Variants in OR1J2 observed in about 807,000 individuals in gnomAD.
The protein encoded by OR1J2 is olfactory receptor 1J2.
For missense variants in OR1J2, 304 were observed against 246.1 expected (o/e 1.24, Z -1.57); for synonymous variants, 142 against 99.7 (o/e 1.42, Z -2.52).
At chr9:122,555,759 TA>T in the OR1J2 span, among the ~76,000 whole-genome samples, 1 of 152,196 alleles carries the variant, frequency 6.6e-6, no homozygotes. Context: ...TTTTGGTTTA[TA>T]GAAAAATTGA....
the OR1J2 span, among the ~76,000 whole-genome samples, chr9:122,495,432 T>C: frequency 6.6e-6 from 1 of 152,310 alleles, no homozygotes; most frequent in African/African-American, 2.4e-5. Context: ...TTCAAAAGCC[T>C]TGTCTTTGAG....
the OR1J2 span, among the ~76,000 whole-genome samples, chr9:122,532,550 T>C: frequency 2.7e-5 from 4 of 146,966 alleles, no homozygotes; most frequent in South Asian, 2.2e-4. Flanking sequence ...ACAATGGTAA[T>C]TGTGGGAGAC....
the OR1J2 span, chr9:122,477,926 T>C: frequency 6.3e-7 from 1 of 1,582,384 alleles, no homozygotes; most frequent in Non-Finnish European, 8.6e-7. Context: ...TCAGGGCTCA[T>C]GTTTATATCA....
chr9:122,486,625 C>T, the OR1J2 span, among the ~76,000 whole-genome samples: 13,416 of 152,132 alleles, frequency 0.088, 646 homozygotes, highest in Middle Eastern at 0.14. Flanking sequence ...ATAATATAGG[C>T]CAGCTGCTGT....
At chr9:122,559,893 T>G in the OR1J2 span, among the ~76,000 whole-genome samples, 1 of 152,208 alleles carries the variant, frequency 6.6e-6, no homozygotes, top group South Asian at 2.1e-4. Flanking sequence ...TTGTTAATTT[T>G]CTGTCTCATT....
chr9:122,550,377 G>T, the OR1J2 span, among the ~76,000 whole-genome samples: 2 of 152,078 alleles, frequency 1.3e-5, no homozygotes, highest in African/African-American at 4.8e-5. Flanking sequence ...AATGAGGAAA[G>T]AATCCTCCCT....
chr9:122,526,596 C>T, the OR1J2 span: 2 of 1,613,938 alleles, frequency 1.2e-6, no homozygotes, highest in African/African-American at 2.7e-5. Flanking sequence ...AAAGGCCTTG[C>T]CCACCCCACC....
chr9:122,548,772 C>T, the OR1J2 span, among the ~76,000 whole-genome samples: 1 of 109,466 alleles, frequency 9.1e-6, no homozygotes, highest in South Asian at 4.6e-4. Context: ...CACAACAGGC[C>T]CCGGTGTGTG....
the OR1J2 span, among the ~76,000 whole-genome samples, chr9:122,499,089 A>G: frequency 6.6e-6 from 1 of 152,252 alleles, no homozygotes; most frequent in Admixed American, 6.5e-5. Flanking sequence ...GATTTGAGGA[A>G]TGCACAGTAG....
At chr9:122,578,373 T>C in the OR1J2 span, 1 of 148,034 alleles carries the variant, frequency 6.8e-6, no homozygotes, top group Non-Finnish European at 1.5e-5. Context: ...AGCTTGAACC[T>C]GGGAGGCGGA....
At chr9:122,518,735 C>T in the OR1J2 span, among the ~76,000 whole-genome samples, 1 of 152,118 alleles carries the variant, frequency 6.6e-6, no homozygotes. Context: ...ATGTTGCTTA[C>T]TAATAGATTT....
the OR1J2 span, among the ~76,000 whole-genome samples, chr9:122,455,801 CA>C: frequency 2.6e-5 from 4 of 151,896 alleles, no homozygotes; most frequent in African/African-American, 9.7e-5. Flanking sequence ...AAGATTTATT[CA>C]TTTTTTTGTA....
the OR1J2 span, among the ~76,000 whole-genome samples, chr9:122,482,682 A>G: frequency 3.2e-4 from 48 of 152,334 alleles, no homozygotes; most frequent in South Asian, 1.4e-3. Context: ...TAAGCCATAA[A>G]AAGGAATATA....
chr9:122,452,887 G>C, the OR1J2 span, among the ~76,000 whole-genome samples: 2 of 151,984 alleles, frequency 1.3e-5, no homozygotes, highest in African/African-American at 4.8e-5. Context: ...AATTAGCTGG[G>C]TGTGGTGGCG....
the OR1J2 span, chr9:122,526,209 C>T: frequency 2.2e-6 from 1 of 459,704 alleles, no homozygotes; most frequent in African/African-American, 2.0e-5. Flanking sequence ...AAACTGTTAT[C>T]TCCATTTTAT....
At chr9:122,463,878 A>G in the OR1J2 span, among the ~76,000 whole-genome samples, 1 of 152,088 alleles carries the variant, frequency 6.6e-6, no homozygotes, top group Admixed American at 6.6e-5. Context: ...TATTTTTGTT[A>G]AGTGTGCTGG....
the OR1J2 span, among the ~76,000 whole-genome samples, chr9:122,461,124 C>T: frequency 2.6e-5 from 4 of 152,140 alleles, no homozygotes; most frequent in Admixed American, 2.0e-4. Context: ...TGTCTGATTG[C>T]TCTGGCTAGG....
chr9:122,552,081 A>T, the OR1J2 span, among the ~76,000 whole-genome samples: 64 of 148,816 alleles, frequency 4.3e-4, no homozygotes, highest in African/African-American at 1.4e-3. Flanking sequence ...TCTCTCTCTC[A>T]CACACACACA....
the OR1J2 span, chr9:122,478,034 T>G: frequency 6.8e-6 from 5 of 738,714 alleles, no homozygotes; most frequent in South Asian, 7.4e-5. Flanking sequence ...TTCTTTTGAC[T>G]TAGAGAATGT....
Sources: gnomAD v4.1 joint callset for allele counts (sites outside exome capture counted in the v4.1 genomes callset) on GRCh38, gnomAD v4.1.1 for gene constraint, MANE v1.5 for transcripts, NCBI Gene and HGNC (gene_info 2026-07-23, HGNC 2026-07-21) for gene names.